The following TMC2 variants were observed in gnomAD, a reference collection of about 807,000 sequenced individuals.
TMC2 encodes transmembrane channel like 2, also known as transmembrane channel-like protein 2.
In TMC2, 102 loss-of-function variants were observed where a neutral mutation model predicts 105.9. That is an observed-to-expected ratio of 0.96 (90% CI 0.82 to 1.14). TMC2 has a LOEUF of 1.14. Ranked by LOEUF, TMC2 falls within the 50% of genes most tolerant of loss-of-function variation. The pLI is 0.00. For missense variants in TMC2, 1,093 were observed against 1,134.3 expected (o/e 0.96, Z 0.52); for synonymous variants, 402 against 422.8 (o/e 0.95, Z 0.60).
intron 2 of TMC2, among the ~76,000 whole-genome samples, chr20:2,553,603 T>C (rs1391978209): frequency 6.6e-6 from 1 of 152,204 alleles, no homozygotes; most frequent in Non-Finnish European, 1.5e-5. Context: ...AAGTGTTCCG[T>C]TTGCTTCTAT....
chr20:2,592,283 A>G lies in TMC2; in HGVS notation c.835-27A>G. ...GTGTGTTTGTATTTCCTCCACTCAT[A>G]CTTGTGTCATTGTGTTTCTGCACAA... On this transcript the variant is annotated intron_variant, in intron 7 of 19. Transcript: ENST00000358864. This position sits in a 1 kb window ranked among gnomAD's most constrained non-coding sequence, Gnocchi z 4.9. 6 of 1,476,310 alleles carry G rather than the reference A, an allele frequency of 4.1e-6. No homozygotes were observed. Among genetic ancestry groups the G allele is most frequent in the Non-Finnish European group, 5.7e-6 (6 of 1,055,142 alleles). 91.5% of individuals were successfully genotyped at this position (1,476,310 alleles called of 1,614,324 possible). A position where few individuals can be genotyped will look rare whatever the true frequency, so the allele number is the denominator to read the frequency against.
Position 2,610,453 on chromosome 20 carries a change from G to T in TMC2, c.1448G>T (p.Cys483Phe). 1 of 1,612,812 alleles carries T rather than the reference G, an allele frequency of 6.2e-7. No individual in the cohort carries two copies. Residue 483 changes from cysteine (C) to phenylalanine (F), a missense_variant, in exon 12 of 20, where the codon TGT becomes TTT. Cys to Phe is a radical substitution (Grantham distance 205). Transcript: ENST00000358864. ...EIVMSLLGMF[C>F]PPLFETIAAL... is the part of the protein sequence containing the mutation. ...GTGATGTCCCTGCTTGGAATGTTTT[G>T]TCCCCCTCTGTTTGAAACCATCGCT... is the stretch of plus-strand genomic sequence containing the variant.
Position 2,539,831 on chromosome 20 carries a change from C to T in TMC2, c.82+2515C>T, listed in dbSNP as rs117979038. ...ATTATGCAAAAATAGTCTTTCTTTA[C>T]GTTGTCTTATCAAAGACTATTTTTC... On this transcript the variant is annotated intron_variant, in intron 2 of 19. Coordinates refer to ENST00000358864, the MANE Select transcript of TMC2 (RefSeq NM_080751.3). 8.4e-3 allele frequency among the ~76,000 whole-genome samples: 1,281 copies of T among 152,176 alleles called. 8 individuals carry two copies. The highest frequency in any genetic ancestry group is 0.013 in the Non-Finnish European group (876 of 68,014).
At chr20:2,584,327 C>T (rs2086216615) in intron 7 of TMC2, among the ~76,000 whole-genome samples, 1 of 142,602 alleles carries the variant, frequency 7.0e-6, no homozygotes, top group South Asian at 2.1e-4. Context: ...GCCTGTGGTC[C>T]CAGCTACTTG....
At chr20:2,596,050 T>C (rs1353417126) in intron 9 of TMC2, among the ~76,000 whole-genome samples, 1 of 152,062 alleles carries the variant, frequency 6.6e-6, no homozygotes, top group Non-Finnish European at 1.5e-5. Flanking sequence ...AGTATAGAAA[T>C]ATGCAAAGTT....
intron 8 of TMC2, among the ~76,000 whole-genome samples, chr20:2,593,986 G>A (rs953668266): frequency 1.3e-5 from 2 of 152,222 alleles, no homozygotes; most frequent in African/African-American, 2.4e-5. Flanking sequence ...TTGCCTCTCT[G>A]CCTTTGCTTA....
intron 17 of TMC2, among the ~76,000 whole-genome samples, chr20:2,632,839 T>C (rs983045058): frequency 2.0e-5 from 3 of 152,184 alleles, no homozygotes; most frequent in Non-Finnish European, 2.9e-5. Context: ...TTCACCCGCC[T>C]CAGCCTCCCA....
chr20:2,640,920 A>C (rs1325409941), intron 19 of TMC2, among the ~76,000 whole-genome samples: 8 of 152,060 alleles, frequency 5.3e-5, no homozygotes, highest in Non-Finnish European at 8.8e-5. Flanking sequence ...TTCAAAATCA[A>C]GTTCTCTAGC....
At position 2,561,871 on chromosome 20, in the gene TMC2, G is replaced by A; in HGVS notation, c.415G>A (p.Ala139Thr). 6.2e-7 allele frequency: 1 copy of A among 1,613,876 alleles called. No individual in the cohort carries two copies. Among genetic ancestry groups the A allele is most frequent in the South Asian group, 1.1e-5 (1 of 91,048 alleles). Residue 139 changes from alanine (A) to threonine (T), a missense_variant, in exon 4 of 20, where the codon GCC (alanine) becomes ACC (threonine). Physicochemically the swap from Ala to Thr is moderately conservative, Grantham distance 58. Coordinates refer to ENST00000358864, the MANE Select transcript of TMC2 (RefSeq NM_080751.3). The stretch of plus-strand genomic sequence containing the variant: ...CTCTGCCTCCAGGTCATCCTCCTTG[G>A]CCTCCAGTGCCTCTGGTGGGGAGTC... ...RQKKPRSSSLASSASGGESLS... is the reference protein window; with the variant it reads ...RQKKPRSSSLTSSASGGESLS...
intron 10 of TMC2, among the ~76,000 whole-genome samples, chr20:2,599,295 TAAAA>T (rs11473820): frequency 1.3e-3 from 159 of 126,808 alleles, no homozygotes; most frequent in African/African-American, 4.3e-3. Flanking sequence ...GGGATAATGT[TAAAA>T]AAAAAAAAAA....
In TMC2 at chr20:2,545,656, T is replaced by A. The variant is rs75294698; in HGVS notation, c.82+8340T>A. Reference sequence around the variant, plus strand: ...TGTAGTTTTGAGATCACTAAGTAGGTCTAAAGCAAACAAAAGAAGAAGAAG... The same window carrying A: ...TGTAGTTTTGAGATCACTAAGTAGGACTAAAGCAAACAAAAGAAGAAGAAG... On this transcript the variant is annotated intron_variant, in intron 2 of 19. Coordinates refer to ENST00000358864, the MANE Select transcript of TMC2 (RefSeq NM_080751.3). Among the ~76,000 whole-genome samples the A allele has an allele frequency of 5.8e-3, 873 of 149,662 alleles. 9 individuals carry two copies. Among genetic ancestry groups the A allele is most frequent in the African/African-American group, 0.02 (827 of 40,406 alleles).
chr20:2,600,951 C>T (rs1374844294), intron 10 of TMC2, among the ~76,000 whole-genome samples: 2 of 142,028 alleles, frequency 1.4e-5, no homozygotes, highest in African/African-American at 5.3e-5. Context: ...CATGCCACTG[C>T]ACTCCAGCCT....
intron 5 of TMC2, among the ~76,000 whole-genome samples, chr20:2,574,796 GCTCACTACAACCTCTGC>G (rs2086131427): frequency 6.6e-6 from 1 of 151,952 alleles, no homozygotes; most frequent in Non-Finnish European, 1.5e-5. Flanking sequence ...CATGATCTCG[GCTCACTACAACCTCTGC>G]CTCCCAGGTT....
intron 2 of TMC2, among the ~76,000 whole-genome samples, chr20:2,550,756 T>C (rs1409200482): frequency 6.6e-6 from 1 of 152,242 alleles, no homozygotes; most frequent in African/African-American, 2.4e-5. Context: ...CCTTTTCATA[T>C]TGCCTTCTTT....
At chr20:2,594,225 C>CTTTTTTTTTTTTTTTTTTTTTT (rs565664102) in intron 8 of TMC2, among the ~76,000 whole-genome samples, 2 of 113,780 alleles carry the variant, frequency 1.8e-5, no homozygotes, top group African/African-American at 6.4e-5. Context: ...CTAAGGATTC[C>CTTTTTTTTTTTTTTTTTTTTTT]TTTTTTTTTT....
intron 11 of TMC2, among the ~76,000 whole-genome samples, chr20:2,608,132 A>AG (rs2086407321): frequency 6.8e-6 from 1 of 147,610 alleles, no homozygotes; most frequent in Non-Finnish European, 1.5e-5. Flanking sequence ...TAAAAAAAAA[A>AG]AAAAGAAAAA....
intron 7 of TMC2, among the ~76,000 whole-genome samples, chr20:2,588,337 G>A (rs1434572277): frequency 1.3e-5 from 2 of 152,228 alleles, no homozygotes; most frequent in African/African-American, 4.8e-5. Flanking sequence ...GAGCTTGGAA[G>A]AGGACTCCAG....
intron 17 of TMC2, among the ~76,000 whole-genome samples, chr20:2,633,584 C>T (rs1437385474): frequency 1.3e-5 from 2 of 152,266 alleles, no homozygotes; most frequent in South Asian, 2.1e-4. Context: ...TGAGCCAGGT[C>T]AAATAAAGAT....
At chr20:2,555,253 G>A (rs1405932778) in intron 2 of TMC2, among the ~76,000 whole-genome samples, 1 of 151,852 alleles carries the variant, frequency 6.6e-6, no homozygotes, top group African/African-American at 2.4e-5. Context: ...GCTAATTTTT[G>A]TATTTTTAGT....
Sources: gnomAD v4.1 joint callset for allele counts (sites outside exome capture counted in the v4.1 genomes callset) on GRCh38, gnomAD v4.1.1 for gene constraint, Gnocchi (gnomAD v3.1) non-coding constraint, MANE v1.5 for transcripts, NCBI Gene and HGNC (gene_info 2026-07-23, HGNC 2026-07-21) for gene names.